PXT1: variants seen among roughly 807,000 people sequenced by gnomAD.
PXT1 encodes peroxisomal testis-specific protein 1.
Under a neutral mutation model 11.0 loss-of-function variants are expected in PXT1, and 11 were observed. That is an observed-to-expected ratio of 1.00 (90% CI 0.63 to 1.66). PXT1 has a LOEUF of 1.66. Among genes scored for constraint, PXT1 ranks in the 40% most tolerant of loss-of-function variants. The probability of loss-of-function intolerance (pLI) is 0.00; values close to 1 mark genes in which losing one functional copy is unlikely to be tolerated. For synonymous variants in PXT1, 43 were observed against 51.4 expected, an observed-to-expected ratio of 0.84 and a Z score of 0.70; for missense variants, 141 against 155.5, an observed-to-expected ratio of 0.91 and a Z score of 0.49.
chr6:36,434,614 G>A (rs573423775), intron 2 of PXT1, among the ~76,000 whole-genome samples: 118 of 152,224 alleles, frequency 7.8e-4, no homozygotes, highest in Middle Eastern at 6.8e-3. Context: ...GTGTATAAAG[G>A]CCAAATAAAA....
At chr6:36,394,556 C>T (rs951446473) in intron 4 of PXT1, among the ~76,000 whole-genome samples, 1 of 151,984 alleles carries the variant, frequency 6.6e-6, no homozygotes, top group South Asian at 2.1e-4. Flanking sequence ...GACCCGGTGA[C>T]AACTCTGTTG....
intron 4 of PXT1, among the ~76,000 whole-genome samples, chr6:36,397,548 A>G (rs1480034457): frequency 6.6e-6 from 1 of 152,256 alleles, no homozygotes; most frequent in Non-Finnish European, 1.5e-5. Context: ...TTTAACAATT[A>G]AAACTAAAAA....
chr6:36,434,637 T>C (rs903634895), intron 2 of PXT1, among the ~76,000 whole-genome samples: 1 of 152,212 alleles, frequency 6.6e-6, no homozygotes, highest in Non-Finnish European at 1.5e-5. Flanking sequence ...AAATCTATAC[T>C]TGTAATTTCC....
At position 36,391,725 on chromosome 6, in the gene PXT1, G is replaced by T. The variant is rs775199297; in HGVS notation, c.*45C>A. The stretch of plus-strand genomic sequence containing the variant: ...CCAGTGGGATTCATGTTTCTCAGAG[G>T]GTAAAAAGAAAACAGAACTTGACCA... On this transcript the variant is annotated 3_prime_UTR_variant, in exon 5 of 5. Transcript: ENST00000454782. 6 of 1,254,126 alleles carry T rather than the reference G, an allele frequency of 4.8e-6. No homozygotes were observed. In the African/African-American group the frequency reaches 7.4e-5, roughly 15 times the overall value. 77.7% of individuals were successfully genotyped at this position (1,254,126 alleles called of 1,614,324 possible). A position where few individuals can be genotyped will look rare whatever the true frequency, so the allele number is the denominator to read the frequency against.
rs185793948 is a variant in PXT1 at position 36,420,461 on chromosome 6, G to C, written c.169+5453C>G. 5.6e-4 allele frequency among the ~76,000 whole-genome samples: 85 copies of C among 152,172 alleles called. No individual in the cohort carries two copies. In the East Asian group the frequency reaches 9.9e-3, roughly 18 times the overall value. ...TATGATACTTTTCATCCAAAAATAG[G>C]AACAAAAGTCCATATTCACAATTGT... On this transcript the variant is annotated intron_variant, in intron 3 of 4. Coordinates refer to ENST00000454782, the MANE Select transcript of PXT1 (RefSeq NM_152990.4).
intron 3 of PXT1, among the ~76,000 whole-genome samples, chr6:36,424,541 G>T (rs1249484989): frequency 6.6e-6 from 1 of 152,190 alleles, no homozygotes; most frequent in Non-Finnish European, 1.5e-5. Context: ...TCGGGAGGCT[G>T]AGGCAGGAGA....
chr6:36,426,066 T>C lies in PXT1; in HGVS notation c.17A>G (p.Asp6Gly), dbSNP rs985598888. The C allele has an allele frequency of 2.0e-6, 3 of 1,511,050 alleles. No individual in the cohort carries two copies. The Admixed American group carries it at 6.5e-5, about 33-fold the overall frequency. 93.6% of individuals were successfully genotyped at this position (1,511,050 alleles called of 1,614,324 possible). A position where few individuals can be genotyped will look rare whatever the true frequency, so the allele number is the denominator to read the frequency against. The change falls in exon 3 of 5, where the codon GAT becomes GGT. Residue 6 changes from aspartate to glycine, a missense_variant. Coordinates refer to ENST00000454782, the MANE Select transcript of PXT1 (RefSeq NM_152990.4). MKKKH[D>G]GIVYETKEVL... ...TTCTTTAGTTTCATAAACAATGCCATCATGTTTTTTCTTCATGTTTTTTCC... is the reference window on the plus strand; with the variant it reads ...TTCTTTAGTTTCATAAACAATGCCACCATGTTTTTTCTTCATGTTTTTTCC...
At chr6:36,423,505 G>C (rs948499387) in intron 3 of PXT1, among the ~76,000 whole-genome samples, 2 of 152,374 alleles carry the variant, frequency 1.3e-5, no homozygotes, top group African/African-American at 4.8e-5. Flanking sequence ...GGCGGCGCGC[G>C]CGTAGCTCGC....
In PXT1 at chr6:36,440,114, C is replaced by T. The variant is rs370863995; in HGVS notation, c.-129-1228G>A. 2.3e-4 allele frequency among the ~76,000 whole-genome samples: 33 copies of T among 145,426 alleles called. 1 individual carries two copies. In the South Asian group the frequency reaches 2.6e-3, roughly 11 times the overall value. ...CTCTGTCTCAGAAAACAAAAGAAAA[C>T]GAACATTTAGCAAATTTAATTATTC... On this transcript the variant is annotated intron_variant, in intron 1 of 4. Transcript: ENST00000454782.
chr6:36,402,553 G>A (rs147282115), intron 3 of PXT1, among the ~76,000 whole-genome samples: 2 of 152,332 alleles, frequency 1.3e-5, no homozygotes, highest in African/African-American at 4.8e-5. Context: ...AACGAAGTAG[G>A]TGATATCTGA....
chr6:36,435,288 T>C (rs1330933195), intron 2 of PXT1, among the ~76,000 whole-genome samples: 2 of 152,154 alleles, frequency 1.3e-5, no homozygotes, highest in African/African-American at 2.4e-5. Flanking sequence ...CCAGGTGCAA[T>C]GGCTTACGCC....
chr6:36,431,277 G>A (rs1477350548), intron 2 of PXT1, among the ~76,000 whole-genome samples: 1 of 152,206 alleles, frequency 6.6e-6, no homozygotes, highest in Non-Finnish European at 1.5e-5. Flanking sequence ...GATGGCAACT[G>A]TAAATTAAGC....
chr6:36,414,811 C>G (rs1251855499), intron 3 of PXT1, among the ~76,000 whole-genome samples: 1 of 152,172 alleles, frequency 6.6e-6, no homozygotes, highest in East Asian at 1.9e-4. Flanking sequence ...CAGAGATAAA[C>G]CACCTCACCA....
chr6:36,398,842 A>G (rs953251516), intron 4 of PXT1, among the ~76,000 whole-genome samples: 2 of 151,832 alleles, frequency 1.3e-5, no homozygotes, highest in Non-Finnish European at 2.9e-5. Flanking sequence ...ATTGGAAGTC[A>G]CTCTCCATCA....
At chr6:36,400,627 A>G in intron 3 of PXT1, 43 bp from the exon 4 acceptor site, 1 of 1,575,818 alleles carries the variant, frequency 6.3e-7, no homozygotes, top group African/African-American at 1.3e-5. Context: ...ATCCCACTTA[A>G]TTATCTGTAA....
intron 4 of PXT1, among the ~76,000 whole-genome samples, chr6:36,392,604 T>C (rs1167595010): frequency 6.6e-6 from 1 of 152,104 alleles, no homozygotes; most frequent in Middle Eastern, 3.2e-3. Flanking sequence ...GAGGCTGCAG[T>C]GAGCTGTGAT....
At chr6:36,400,040 G>A (rs904627829) in intron 4 of PXT1, among the ~76,000 whole-genome samples, 2 of 152,130 alleles carry the variant, frequency 1.3e-5, no homozygotes, top group Non-Finnish European at 2.9e-5. Flanking sequence ...CCAGGCATCT[G>A]TCGTTTTTAA....
At chr6:36,408,703 CA>C (rs60161051) in intron 3 of PXT1, among the ~76,000 whole-genome samples, 126 of 113,412 alleles carry the variant, frequency 1.1e-3, no homozygotes, top group South Asian at 3.1e-3. Flanking sequence ...CTGTCTCTAC[CA>C]AAAAAAAAAA....
intron 3 of PXT1, among the ~76,000 whole-genome samples, chr6:36,409,797 G>A (rs1774339593): frequency 6.8e-6 from 1 of 146,744 alleles, no homozygotes; most frequent in Non-Finnish European, 1.5e-5. Flanking sequence ...CTGTACTCCA[G>A]CCTGGGTGAC....
Sources: gnomAD v4.1 joint callset for allele counts (sites outside exome capture counted in the v4.1 genomes callset) on GRCh38, gnomAD v4.1.1 for gene constraint, MANE v1.5 for transcripts, NCBI Gene and HGNC (gene_info 2026-07-23, HGNC 2026-07-21) for gene names.